IPO9: variants seen among roughly 807,000 people sequenced by gnomAD.
IPO9 encodes importin 9.
A neutral mutation model predicts 128.6 loss-of-function variants in IPO9; 28 were observed. The ratio of observed to expected loss-of-function variants is 0.22; its 90% confidence interval spans 0.16 to 0.30. The LOEUF is 0.30. Among genes scored for constraint, IPO9 ranks in the 10% least tolerant of loss-of-function variants. The probability of loss-of-function intolerance (pLI) is 1.00; values close to 1 mark genes in which losing one functional copy is unlikely to be tolerated. For synonymous variants in IPO9, 455 were observed against 475.8 expected (o/e 0.96, Z 0.57); for missense variants, 935 against 1,293.9 (o/e 0.72, Z 4.26).
intron 4 of IPO9, among the ~76,000 whole-genome samples, chr1:201,851,179 C>CTTTT (rs36020873): frequency 6.0e-5 from 8 of 133,520 alleles, no homozygotes; most frequent in Non-Finnish European, 1.6e-5. Context: ...CCACATGCAG[C>CTTTT]TTTTTTTTTT....
At chr1:201,872,471 G>A (rs1313796833) in intron 19 of IPO9, among the ~76,000 whole-genome samples, 1 of 152,074 alleles carries the variant, frequency 6.6e-6, no homozygotes, top group South Asian at 2.1e-4. Flanking sequence ...AGGCACGGTG[G>A]CGCATGCCTA....
chr1:201,835,387 A>C (rs549313222), intron 1 of IPO9, among the ~76,000 whole-genome samples: 1 of 152,376 alleles, frequency 6.6e-6, no homozygotes, highest in South Asian at 2.1e-4. Context: ...GAGCAAGGAT[A>C]ACGAGAGGGA....
At chr1:201,837,164 G>A (rs1482045093) in intron 1 of IPO9, among the ~76,000 whole-genome samples, 3 of 152,164 alleles carry the variant, frequency 2.0e-5, no homozygotes, top group Non-Finnish European at 2.9e-5. Context: ...TCAGTGATGT[G>A]TGAAGCAAGG....
At chr1:201,837,257 A>G (rs1351393964) in intron 1 of IPO9, among the ~76,000 whole-genome samples, 1 of 152,228 alleles carries the variant, frequency 6.6e-6, no homozygotes, top group African/African-American at 2.4e-5. Context: ...AAGAGCTTCT[A>G]GCTACTGTGA....
rs1381782117 is a variant in IPO9, at chr1:201,879,698, TGAG to T, written c.*3647_*3649del. 17 of 152,206 alleles carry T rather than the reference TGAG, an allele frequency of 1.1e-4. No homozygotes were observed. The East Asian group carries it at 3.1e-3, about 28-fold the overall frequency. 9.4% of individuals were successfully genotyped at this position (152,206 alleles called of 1,614,324 possible). A position where few individuals can be genotyped will look rare whatever the true frequency, so the allele number is the denominator to read the frequency against. ...ATTGATAATAACATCTGTGCAGAGT[TGAG>T]GACTATAGAGTACTGTGCTGTCACT... On this transcript the variant is annotated 3_prime_UTR_variant, in exon 24 of 24. Coordinates refer to ENST00000361565, the MANE Select transcript of IPO9 (RefSeq NM_018085.5).
intron 1 of IPO9, among the ~76,000 whole-genome samples, chr1:201,834,350 C>G (rs1023205208): frequency 1.3e-5 from 2 of 151,940 alleles, no homozygotes; most frequent in African/African-American, 2.4e-5. Context: ...AGATCTCTTA[C>G]GTCAAAGTCT....
intron 1 of IPO9, among the ~76,000 whole-genome samples, chr1:201,832,343 C>T (rs182343979): frequency 2.9e-3 from 437 of 151,762 alleles, no homozygotes; most frequent in Admixed American, 4.8e-3. Flanking sequence ...ACTGCAACCT[C>T]CACCTCCCAG....
Position 201,874,885 on chromosome 1 carries a change from G to A in IPO9, c.2887G>A (p.Asp963Asn), listed in dbSNP as rs1680731721. The A allele has an allele frequency of 6.2e-7, 1 of 1,613,932 alleles. No homozygotes were observed. The highest frequency in any genetic ancestry group is 8.5e-7 in the Non-Finnish European group (1 of 1,179,782). Residue 963 changes from aspartate to asparagine, a missense_variant, in exon 22 of 24, where the codon GAT becomes AAT. Coordinates refer to ENST00000361565, the MANE Select transcript of IPO9 (RefSeq NM_018085.5). ...DQEEEEEEEE[D>N]GLAGQLLSDI... The stretch of plus-strand genomic sequence containing the variant: ...GGAGGAGGAAGAGGAGGAGGAGGAG[G>A]ATGGTTTAGCTGGCCAACTTTTATC...
At chr1:201,848,792 C>T (rs1364142328) in intron 4 of IPO9, among the ~76,000 whole-genome samples, 198 bp downstream of exon 4, 1 of 152,168 alleles carries the variant, frequency 6.6e-6, no homozygotes, top group Non-Finnish European at 1.5e-5. Context: ...AGTATTACTT[C>T]TACTCCCAAA....
At chr1:201,860,824 A>C (rs1571550542) in intron 13 of IPO9, among the ~76,000 whole-genome samples, 1 of 152,214 alleles carries the variant, frequency 6.6e-6, no homozygotes, top group Non-Finnish European at 1.5e-5. Context: ...CAGAGCCATG[A>C]TATCACATAC....
At chr1:201,838,075 G>A (rs572226342) in intron 1 of IPO9, among the ~76,000 whole-genome samples, 2,054 of 150,246 alleles carry the variant, frequency 0.014, 39 homozygotes, top group African/African-American at 0.045. Flanking sequence ...TGTCTCAAAA[G>A]AAAAAAAAAG....
chr1:201,834,874 T>A (rs1269732244), intron 1 of IPO9: 1 of 152,292 alleles, frequency 6.6e-6, no homozygotes, highest in African/African-American at 2.4e-5. Context: ...TTTCCCCATC[T>A]TAGATGCCTA....
intron 15 of IPO9, among the ~76,000 whole-genome samples, chr1:201,867,543 A>G (rs1284885774): frequency 6.6e-6 from 1 of 152,164 alleles, no homozygotes; most frequent in Non-Finnish European, 1.5e-5. Flanking sequence ...CAAAAAATCC[A>G]TAGAATATGA....
intron 14 of IPO9, among the ~76,000 whole-genome samples, chr1:201,865,526 T>A (rs1184031088): frequency 1.3e-5 from 2 of 152,158 alleles, no homozygotes; most frequent in African/African-American, 4.8e-5. Flanking sequence ...TCTTTTCTAA[T>A]GTCACTAGTA....
At chr1:201,840,271 A>G (rs1279206429) in intron 1 of IPO9, among the ~76,000 whole-genome samples, 3 of 152,148 alleles carry the variant, frequency 2.0e-5, no homozygotes, top group African/African-American at 7.2e-5. Flanking sequence ...GTGTTTCACC[A>G]TGTTGCCCAA....
chr1:201,831,585 T>C (rs1679833350), intron 1 of IPO9, among the ~76,000 whole-genome samples: 3 of 152,324 alleles, frequency 2.0e-5, no homozygotes, highest in African/African-American at 2.4e-5. Context: ...CTTGTGGCCT[T>C]TAACAAGTTA....
chr1:201,857,833 C>G (rs998367643), intron 11 of IPO9, among the ~76,000 whole-genome samples: 4 of 150,184 alleles, frequency 2.7e-5, no homozygotes, highest in African/African-American at 9.8e-5. Context: ...TTAATTCACT[C>G]TTCAACAAGA....
At chr1:201,865,749 A>G (rs939285897) in intron 14 of IPO9, among the ~76,000 whole-genome samples, 1 of 152,154 alleles carries the variant, frequency 6.6e-6, no homozygotes, top group South Asian at 2.1e-4. Context: ...ATCAACAAAT[A>G]TTTACTGAAT....
intron 1 of IPO9, among the ~76,000 whole-genome samples, chr1:201,846,463 C>T (rs1680125682): frequency 6.6e-6 from 1 of 152,200 alleles, no homozygotes; most frequent in South Asian, 2.1e-4. Flanking sequence ...ACCTCTGCCT[C>T]CCAGGTTCAA....
Sources: gnomAD v4.1 joint callset for allele counts (sites outside exome capture counted in the v4.1 genomes callset) on GRCh38, gnomAD v4.1.1 for gene constraint, MANE v1.5 for transcripts, NCBI Gene and HGNC (gene_info 2026-07-23, HGNC 2026-07-21) for gene names.